PCSK9: variants seen among roughly 807,000 people sequenced by gnomAD.
The protein encoded by PCSK9 is convertase subtilisin/kexin type 9 preproprotein.
PCSK9 carries 57 observed loss-of-function variants against 62.1 expected under a neutral mutation model. The observed-to-expected ratio is 0.92, with a 90% CI of 0.74 to 1.14. The LOEUF is 1.14. Ranked by LOEUF, PCSK9 falls within the 50% of genes most tolerant of loss-of-function variation. The probability of loss-of-function intolerance (pLI) is 0.00; values close to 1 mark genes in which losing one functional copy is unlikely to be tolerated. For synonymous variants in PCSK9, 387 were observed against 409.4 expected (o/e 0.95, Z 0.66); for missense variants, 870 against 959.8 (o/e 0.91, Z 1.24).
chr1:55,055,861 A>T, intron 5 of PCSK9, 132 bp from the exon 6 acceptor site: 1 of 875,026 alleles, frequency 1.1e-6, no homozygotes, highest in Non-Finnish European at 1.7e-6. Flanking sequence ...CAGCATTTCC[A>T]CTGGCTTTTG....
chr1:55,058,282 C>T, intron 8 of PCSK9, 73 bp downstream of exon 8: 1 of 1,549,376 alleles, frequency 6.5e-7, no homozygotes. Context: ...CAGTCTCTCC[C>T]TTCTCCCTTG....
intron 5 of PCSK9, 93 bp from the exon 6 acceptor site, chr1:55,055,900 C>T: frequency 7.8e-7 from 1 of 1,286,670 alleles, no homozygotes; most frequent in South Asian, 1.6e-5. Context: ...AAGTTGATCC[C>T]CAAAATTAAC....
chr1:55,054,518 G>A (rs1644698579), intron 5 of PCSK9, among the ~76,000 whole-genome samples: 1 of 152,244 alleles, frequency 6.6e-6, no homozygotes, highest in South Asian at 2.1e-4. Context: ...GCATGGCTGT[G>A]AGATTCCAGC....
At chr1:55,049,354 T>C (rs1644657572) in intron 3 of PCSK9, among the ~76,000 whole-genome samples, 1 of 152,228 alleles carries the variant, frequency 6.6e-6, no homozygotes, top group Non-Finnish European at 1.5e-5. Flanking sequence ...GGCCACAGTC[T>C]GAGCTTCTCA....
At chr1:55,043,819 A>G (rs763214966) in intron 1 of PCSK9, 24 bp from the exon 2 acceptor site, 7 of 1,613,298 alleles carry the variant, frequency 4.3e-6, no homozygotes, top group East Asian at 4.5e-5. Flanking sequence ...CCATGTCATC[A>G]TGTTCCTCCT....
chr1:55,039,755 GCAA>G lies in PCSK9; in HGVS notation c.-82_-80del. 1 of 1,494,108 alleles carries G rather than the reference GCAA, an allele frequency of 6.7e-7. No homozygotes were observed. The highest frequency in any genetic ancestry group is 1.2e-5 in the South Asian group (1 of 83,000). 92.6% of individuals were successfully genotyped at this position (1,494,108 alleles called of 1,614,324 possible). ...CAGCTCCTGCACAGTCCTCCCCACC[GCAA>G]GGCTCAAGGCGCCGCCGGCGTGGAC... On this transcript the variant is annotated 5_prime_UTR_variant, in exon 1 of 12. Transcript: ENST00000302118.
rs936619529 is a variant in PCSK9 at position 55,063,686 on chromosome 1, C to T, written c.*102C>T. 1.9e-5 allele frequency: 25 copies of T among 1,331,716 alleles called. 1 individual carries two copies. Among genetic ancestry groups the T allele is most frequent in the South Asian group, 1.6e-4 (11 of 69,654 alleles). 82.5% of individuals were successfully genotyped at this position (1,331,716 alleles called of 1,614,324 possible). A position where few individuals can be genotyped will look rare whatever the true frequency, so the allele number is the denominator to read the frequency against. On this transcript the variant is annotated 3_prime_UTR_variant, in exon 12 of 12. Transcript: ENST00000302118. ...TCTCTCAGCCCTCCATGGCCTGGCACGAGGGGATGGGGATGCTTCCGCCTT... is the reference window on the plus strand; with the variant it reads ...TCTCTCAGCCCTCCATGGCCTGGCATGAGGGGATGGGGATGCTTCCGCCTT...
intron 9 of PCSK9, among the ~76,000 whole-genome samples, chr1:55,059,000 G>T (rs983294502): frequency 6.6e-6 from 1 of 152,214 alleles, no homozygotes; most frequent in African/African-American, 2.4e-5. Context: ...CTCTCACTCA[G>T]GTGCTCCATG....
intron 3 of PCSK9, among the ~76,000 whole-genome samples, chr1:55,050,299 T>G (rs1043218249): frequency 2.6e-5 from 4 of 152,214 alleles, no homozygotes; most frequent in Non-Finnish European, 4.4e-5. Flanking sequence ...GGCCTTGTCT[T>G]GTGTCTGCCC....
At position 55,052,638 on chromosome 1, in the gene PCSK9, T is replaced by C; in HGVS notation, c.658-12T>C. ...GGGTCTTTCTCATGTGGTCCTTGTG[T>C]TCGTCGAGCAGGCCAGCAAGTGTGA... On this transcript the variant is annotated splice_polypyrimidine_tract_variant and intron_variant, in intron 4 of 11. Coordinates refer to ENST00000302118, the MANE Select transcript of PCSK9 (RefSeq NM_174936.4). 6.2e-7 allele frequency: 1 copy of C among 1,612,676 alleles called. No individual in the cohort carries two copies. The highest frequency in any genetic ancestry group is 8.5e-7 in the Non-Finnish European group (1 of 1,179,446).
intron 2 of PCSK9, among the ~76,000 whole-genome samples, chr1:55,046,058 G>A (rs1163236806): frequency 6.6e-6 from 1 of 152,204 alleles, no homozygotes; most frequent in Non-Finnish European, 1.5e-5. Flanking sequence ...CCCATTGGCT[G>A]AGCCCAACTG....
intron 6 of PCSK9, among the ~76,000 whole-genome samples, chr1:55,056,903 C>T (rs1644719498): frequency 1.3e-5 from 2 of 150,306 alleles, no homozygotes; most frequent in Admixed American, 1.3e-4. Context: ...GGTTGCAGAG[C>T]AGATGCGTAC....
Position 55,039,925 on chromosome 1 carries a change from G to GCGCA in PCSK9, c.89_92dup (p.Gln31HisfsTer141), listed in dbSNP as rs1344705474. On this transcript the variant is annotated frameshift_variant, in exon 1 of 12. Coordinates refer to ENST00000302118, the MANE Select transcript of PCSK9 (RefSeq NM_174936.4). LOFTEE classifies it high-confidence loss of function. Reference sequence around the variant, plus strand: ...GCTCCTGGGTCCCGCGGGCGCCCGTGCGCAGGAGGACGAGGACGGCGACTA... The same window carrying GCGCA: ...GCTCCTGGGTCCCGCGGGCGCCCGTGCGCACGCAGGAGGACGAGGACGGCGACTA... 3.8e-5 allele frequency: 59 copies of GCGCA among 1,570,328 alleles called. No individual in the cohort carries two copies. The highest frequency in any genetic ancestry group is 5.1e-5 in the Non-Finnish European group (59 of 1,158,966).
intron 6 of PCSK9, 79 bp downstream of exon 6, chr1:55,056,268 G>A: frequency 8.2e-7 from 1 of 1,218,122 alleles, no homozygotes. Context: ...GCGGGCAGGC[G>A]GGCTTCTTGT....
rs770799532 is a variant in PCSK9, at chr1:55,058,620, TG to T, written c.1479del (p.Lys494SerfsTer86). 11 of 1,610,464 alleles carry T rather than the reference TG, an allele frequency of 6.8e-6. No individual in the cohort carries two copies. In the African/African-American group the frequency reaches 1.3e-4, roughly 20 times the overall value. On this transcript the variant is annotated frameshift_variant, in exon 9 of 12. Transcript: ENST00000302118. LOFTEE classifies it high-confidence loss of function. Reference protein sequence around the residue: ...LLSCSSFSRSGKRRGERMEAQ... With the variant: ...LLSCSSFSRSXKRRGERMEAQ... The stretch of plus-strand genomic sequence containing the variant: ...TGAGCTGCTCCAGTTTCTCCAGGAG[TG>T]GGAAGCGGCGGGGCGAGCGCATGGA...
At chr1:55,060,755 T>C (rs11206517) in intron 10 of PCSK9, among the ~76,000 whole-genome samples, 1 of 152,106 alleles carries the variant, frequency 6.6e-6, no homozygotes, top group Non-Finnish European at 1.5e-5. Flanking sequence ...CCCGAGCCCT[T>C]GCAGCTAGGA....
At position 55,064,481 on chromosome 1, in the gene PCSK9, CCT is replaced by C. The variant is rs1249247736; in HGVS notation, c.*899_*900del. The stretch of plus-strand genomic sequence containing the variant: ...TCTTCTTACTTCACCCGGCTGGGCT[CCT>C]CATTTTTACGGGTAACAGTGAGGCT... On this transcript the variant is annotated 3_prime_UTR_variant, in exon 12 of 12. Transcript: ENST00000302118. 1 of 152,238 alleles carries C rather than the reference CCT, an allele frequency of 6.6e-6. No homozygotes were observed. The highest frequency in any genetic ancestry group is 1.5e-5 in the Non-Finnish European group (1 of 68,068). 9.4% of individuals were successfully genotyped at this position (152,238 alleles called of 1,614,324 possible). A position where few individuals can be genotyped will look rare whatever the true frequency, so the allele number is the denominator to read the frequency against.
chr1:55,061,052 G>A (rs1644755279), intron 10 of PCSK9, among the ~76,000 whole-genome samples: 1 of 152,170 alleles, frequency 6.6e-6, no homozygotes, highest in South Asian at 2.1e-4. Context: ...GCATAGGGAG[G>A]GGCTGGGGGG....
At chr1:55,054,185 A>G (rs1228077712) in intron 5 of PCSK9, among the ~76,000 whole-genome samples, 1 of 152,102 alleles carries the variant, frequency 6.6e-6, no homozygotes, top group Non-Finnish European at 1.5e-5. Context: ...GGAGTTCGAG[A>G]CCAGCCTGTT....
Sources: allele counts gnomAD v4.1 joint callset (sites outside exome capture counted in the v4.1 genomes callset), GRCh38; gene constraint gnomAD v4.1.1; transcripts MANE v1.5; gene names NCBI Gene and HGNC (gene_info 2026-07-23, HGNC 2026-07-21).